BLTP3A: variants seen among roughly 807,000 people sequenced by gnomAD.
BLTP3A encodes bridge-like lipid transfer protein family member 3A.
At chr6:34,793,660 A>G in the BLTP3A span, among the ~76,000 whole-genome samples, 8 of 152,196 alleles carry the variant, frequency 5.3e-5, no homozygotes, top group Non-Finnish European at 5.9e-5. Context: ...TTAACGTAAT[A>G]TATTCTTTTT....
At chr6:34,811,953 G>A in the BLTP3A span, among the ~76,000 whole-genome samples, 2 of 152,102 alleles carry the variant, frequency 1.3e-5, no homozygotes, top group East Asian at 3.9e-4. Flanking sequence ...CTTGAGCTCA[G>A]GAGGTTGAGG....
At chr6:34,792,540 C>T in the BLTP3A span, among the ~76,000 whole-genome samples, 1 of 152,312 alleles carries the variant, frequency 6.6e-6, no homozygotes, top group East Asian at 1.9e-4. Context: ...CCGCTAGTCT[C>T]TCCCCACTCT....
chr6:34,859,519 A>G, the BLTP3A span: 1 of 1,614,178 alleles, frequency 6.2e-7, no homozygotes, highest in Non-Finnish European at 8.5e-7. Context: ...CAGTTTGGGC[A>G]GAGATCGAAT....
At chr6:34,865,986 G>A in the BLTP3A span, among the ~76,000 whole-genome samples, 11 of 152,012 alleles carry the variant, frequency 7.2e-5, no homozygotes, top group Non-Finnish European at 1.3e-4. Context: ...CAAGGTGGGC[G>A]GATCACTTAA....
the BLTP3A span, among the ~76,000 whole-genome samples, chr6:34,827,956 G>A: frequency 1.3e-5 from 2 of 152,026 alleles, no homozygotes; most frequent in South Asian, 2.1e-4. Flanking sequence ...ATACAGAAAG[G>A]TTCTTTTATT....
At chr6:34,803,436 C>T in the BLTP3A span, among the ~76,000 whole-genome samples, 1 of 152,286 alleles carries the variant, frequency 6.6e-6, no homozygotes, top group Admixed American at 6.5e-5. Context: ...TGCTTTGCTA[C>T]TGTACCCCCA....
At chr6:34,796,924 T>C in the BLTP3A span, among the ~76,000 whole-genome samples, 4 of 152,204 alleles carry the variant, frequency 2.6e-5, no homozygotes, top group African/African-American at 7.2e-5. Flanking sequence ...AGGATCGTCT[T>C]GATCTCTTGA....
the BLTP3A span, among the ~76,000 whole-genome samples, chr6:34,823,687 C>T: frequency 6.6e-6 from 1 of 151,436 alleles, no homozygotes; most frequent in Admixed American, 6.6e-5. Context: ...GGACCACAGG[C>T]GCACATCACC....
At chr6:34,822,087 C>G in the BLTP3A span, 2 of 1,097,804 alleles carry the variant, frequency 1.8e-6, no homozygotes, top group East Asian at 2.4e-5. Context: ...GTGAGCTTCT[C>G]TCTGAGACAG....
chr6:34,854,387 G>A, the BLTP3A span, among the ~76,000 whole-genome samples: 11 of 151,972 alleles, frequency 7.2e-5, no homozygotes, highest in East Asian at 1.9e-3. Flanking sequence ...CTAAAAGTTA[G>A]CAAATATAGT....
At chr6:34,831,515 A>C in the BLTP3A span, among the ~76,000 whole-genome samples, 1 of 152,066 alleles carries the variant, frequency 6.6e-6, no homozygotes, top group African/African-American at 2.4e-5. Context: ...AATGGTTAGC[A>C]GTTTTTGTAT....
the BLTP3A span, among the ~76,000 whole-genome samples, chr6:34,853,406 A>C: frequency 1.3e-5 from 2 of 151,770 alleles, no homozygotes; most frequent in African/African-American, 4.8e-5. Flanking sequence ...CCTGTTGCCC[A>C]GGCCCACCTC....
At chr6:34,864,078 A>C in the BLTP3A span, 1 of 1,613,886 alleles carries the variant, frequency 6.2e-7, no homozygotes, top group Non-Finnish European at 8.5e-7. Context: ...ATTTTTCTCC[A>C]TGAAGAGGAC....
the BLTP3A span, among the ~76,000 whole-genome samples, chr6:34,829,630 G>A: frequency 8.6e-5 from 13 of 151,802 alleles, no homozygotes; most frequent in Admixed American, 8.5e-4. Flanking sequence ...TCTAGTTTCT[G>A]GTTCTTCTTC....
the BLTP3A span, chr6:34,871,215 C>G: frequency 7.4e-7 from 1 of 1,359,738 alleles, no homozygotes; most frequent in Admixed American, 2.2e-5. Context: ...AACCTCTTCC[C>G]TTTTCACTGT....
the BLTP3A span, among the ~76,000 whole-genome samples, chr6:34,812,164 A>G: frequency 6.6e-6 from 1 of 152,004 alleles, no homozygotes; most frequent in Non-Finnish European, 1.5e-5. Context: ...CCCCATGTCT[A>G]CTAAAAATAC....
the BLTP3A span, among the ~76,000 whole-genome samples, chr6:34,817,646 G>A: frequency 6.6e-6 from 1 of 152,246 alleles, no homozygotes; most frequent in African/African-American, 2.4e-5. Context: ...ATGGATGCCT[G>A]CATATGTGTT....
At chr6:34,825,295 CTTTTCTT>C in the BLTP3A span, among the ~76,000 whole-genome samples, 18 of 151,662 alleles carry the variant, frequency 1.2e-4, no homozygotes, top group African/African-American at 4.4e-4. Flanking sequence ...TCTCTGGCCT[CTTTTCTT>C]TTTTCTTTTT....
chr6:34,800,669 A>G, the BLTP3A span, among the ~76,000 whole-genome samples: 1 of 152,214 alleles, frequency 6.6e-6, no homozygotes, highest in Non-Finnish European at 1.5e-5. Flanking sequence ...GAACCAGTAG[A>G]ATCAATCAGT....
Sources: allele counts gnomAD v4.1 joint callset (sites outside exome capture counted in the v4.1 genomes callset), GRCh38; gene constraint gnomAD v4.1.1; transcripts MANE v1.5; gene names NCBI Gene and HGNC (gene_info 2026-07-23, HGNC 2026-07-21).